DOCK1: variants seen among roughly 807,000 people sequenced by gnomAD.
The protein encoded by DOCK1 is dedicator of cytokinesis protein 1.
In DOCK1, 138 loss-of-function variants were observed where a neutral mutation model predicts 262.7. That is an observed-to-expected ratio of 0.53 (90% CI 0.46 to 0.61). The LOEUF (loss-of-function observed/expected upper bound fraction) is 0.61, where lower values mean the gene tolerates loss of function less well. DOCK1 is among the 20% of genes least tolerant of loss of function. The pLI is 0.00. For synonymous variants in DOCK1, 866 were observed against 867.4 expected (o/e 1.00, Z 0.03); for missense variants, 1,908 against 2,370.7 (o/e 0.80, Z 4.05).
intron 38 of DOCK1, among the ~76,000 whole-genome samples, chr10:127,385,840 T>C (rs1207376741): frequency 6.6e-6 from 1 of 152,216 alleles, no homozygotes; most frequent in Non-Finnish European, 1.5e-5. Flanking sequence ...ATCACAGGCC[T>C]TCTCCTCATG....
At chr10:127,020,134 T>C (rs370471982) in intron 13 of DOCK1, among the ~76,000 whole-genome samples, 18 of 152,230 alleles carry the variant, frequency 1.2e-4, no homozygotes, top group Non-Finnish European at 1.8e-4. Context: ...AAGAAAAGCA[T>C]GACGTTTAGT....
chr10:127,208,321 A>C (rs559119428), intron 27 of DOCK1, among the ~76,000 whole-genome samples: 15 of 152,304 alleles, frequency 9.8e-5, no homozygotes, highest in Non-Finnish European at 1.8e-4. Flanking sequence ...AAGACTTGAC[A>C]AGACAATCCT....
chr10:127,447,516 A>G lies in DOCK1; in HGVS notation c.5536A>G (p.Thr1846Ala), dbSNP rs762705029. ...MENQDLLGSP[T>A]PPPPPPHQRH... ...AAACCAGGACTTGCTGGGCTCGCCA[A>G]CACCTCCACCTCCCCCTCCACACCA... Residue 1846 changes from threonine (T) to alanine (A), a missense_variant, in exon 51 of 52, where the codon ACA becomes GCA. Coordinates refer to ENST00000623213, the MANE Select transcript of DOCK1 (RefSeq NM_001290223.2). 10 of 1,613,916 alleles carry G rather than the reference A, an allele frequency of 6.2e-6. No individual in the cohort carries two copies. In the South Asian group the frequency reaches 8.8e-5, roughly 14 times the overall value.
At chr10:127,396,278 G>A (rs2066837460) in intron 38 of DOCK1, among the ~76,000 whole-genome samples, 1 of 152,216 alleles carries the variant, frequency 6.6e-6, no homozygotes, top group Admixed American at 6.5e-5. Context: ...GGTCACAGCT[G>A]CAGTGATGTT....
chr10:127,335,909 G>A (rs1244866303), intron 29 of DOCK1, among the ~76,000 whole-genome samples: 2 of 151,930 alleles, frequency 1.3e-5, no homozygotes, highest in Non-Finnish European at 2.9e-5. Flanking sequence ...GTAGAGACGG[G>A]GTTTCACCAT....
chr10:127,421,671 GTC>G (rs1462085614), intron 46 of DOCK1, among the ~76,000 whole-genome samples: 3 of 152,086 alleles, frequency 2.0e-5, no homozygotes, highest in African/African-American at 7.2e-5. Context: ...TCTACTTTGT[GTC>G]TCTATGAATT....
chr10:126,918,411 C>T lies in DOCK1; in HGVS notation c.46+12848C>T, dbSNP rs547945865. ...CTGGTGTGCTTGTCCAAGGTGATGA[C>T]GGTACTTTTTATTGCACAGAGTTGC... On this transcript the variant is annotated intron_variant, in intron 1 of 51. Coordinates refer to ENST00000623213, the MANE Select transcript of DOCK1 (RefSeq NM_001290223.2). Among the ~76,000 whole-genome samples, 14 of 152,324 alleles carry T rather than the reference C, an allele frequency of 9.2e-5. No homozygotes were observed. The East Asian group carries it at 1.4e-3, about 15-fold the overall frequency.
chr10:127,143,157 T>C (rs1220996713), intron 27 of DOCK1, among the ~76,000 whole-genome samples: 4 of 152,228 alleles, frequency 2.6e-5, no homozygotes, highest in Admixed American at 1.3e-4. Context: ...ATCCTCAAGA[T>C]AATTTAAGAG....
At chr10:127,154,434 ATAT>A (rs1402985755) in intron 27 of DOCK1, among the ~76,000 whole-genome samples, 3 of 150,706 alleles carry the variant, frequency 2.0e-5, no homozygotes, top group African/African-American at 7.5e-5. Flanking sequence ...AAAGCATATA[ATAT>A]TTGTGACACA....
At chr10:127,164,217 T>A (rs2053874341) in intron 27 of DOCK1, among the ~76,000 whole-genome samples, 1 of 116,604 alleles carries the variant, frequency 8.6e-6, no homozygotes. Flanking sequence ...AGAGTCCTGC[T>A]CTGTCACCCA....
At chr10:127,003,776 A>G (rs1025056548) in intron 10 of DOCK1, among the ~76,000 whole-genome samples, 1 of 152,102 alleles carries the variant, frequency 6.6e-6, no homozygotes, top group Non-Finnish European at 1.5e-5. Context: ...CAACATGGTA[A>G]AACCTCCTAT....
chr10:126,987,429 A>G (rs2039485103), intron 4 of DOCK1, 92 bp from the exon 5 acceptor site: 3 of 996,104 alleles, frequency 3.0e-6, no homozygotes, highest in Non-Finnish European at 3.0e-6. Flanking sequence ...TTAATACTGA[A>G]CGCTATGGCC....
At chr10:126,934,630 GT>G (rs1447654386) in intron 1 of DOCK1, among the ~76,000 whole-genome samples, 1 of 150,856 alleles carries the variant, frequency 6.6e-6, no homozygotes, top group African/African-American at 2.4e-5. Flanking sequence ...TTTTTGTTTT[GT>G]TTTTTTCCTG....
intron 38 of DOCK1, among the ~76,000 whole-genome samples, chr10:127,394,799 G>A (rs1048571898): frequency 5.9e-5 from 9 of 152,082 alleles, no homozygotes; most frequent in East Asian, 3.9e-4. Flanking sequence ...GCCGTCCTGC[G>A]CCGTGAAATA....
intron 10 of DOCK1, among the ~76,000 whole-genome samples, chr10:127,006,880 G>T (rs1250268153): frequency 6.6e-6 from 1 of 151,400 alleles, no homozygotes; most frequent in Non-Finnish European, 1.5e-5. Context: ...GTGAGGGTGG[G>T]CCTGCTCGGG....
intron 36 of DOCK1, among the ~76,000 whole-genome samples, chr10:127,380,461 T>G (rs2065765061): frequency 6.6e-6 from 1 of 152,186 alleles, no homozygotes; most frequent in Non-Finnish European, 1.5e-5. Flanking sequence ...AGTTATATGA[T>G]CCAGTGAGAA....
At chr10:127,229,717 A>G (rs2058771527) in intron 27 of DOCK1, among the ~76,000 whole-genome samples, 1 of 152,176 alleles carries the variant, frequency 6.6e-6, no homozygotes, top group Non-Finnish European at 1.5e-5. Flanking sequence ...TCTTCAACAT[A>G]TTGATTTCAT....
At chr10:127,244,517 C>T (rs2059368331) in intron 27 of DOCK1, among the ~76,000 whole-genome samples, 1 of 152,172 alleles carries the variant, frequency 6.6e-6, no homozygotes, top group Admixed American at 6.5e-5. Context: ...CAACAGCACA[C>T]AAGAGTCCTC....
chr10:127,321,994 T>C (rs2135574151), intron 29 of DOCK1, among the ~76,000 whole-genome samples: 1 of 151,814 alleles, frequency 6.6e-6, no homozygotes, highest in East Asian at 2.0e-4. Flanking sequence ...TCCCAGTTAC[T>C]TGGGAGGCTG....
Sources: gnomAD v4.1 joint callset for allele counts (sites outside exome capture counted in the v4.1 genomes callset) on GRCh38, gnomAD v4.1.1 for gene constraint, MANE v1.5 for transcripts, NCBI Gene and HGNC (gene_info 2026-07-23, HGNC 2026-07-21) for gene names.